The following TYW1 variants were observed in gnomAD, a reference collection of about 807,000 sequenced individuals.
TYW1 encodes tRNA-yW synthesizing protein 1 homolog.
Under a neutral mutation model 96.2 loss-of-function variants are expected in TYW1, and 46 were observed. That is an observed-to-expected ratio of 0.48 (90% CI 0.38 to 0.61). The LOEUF (loss-of-function observed/expected upper bound fraction) is 0.61, where lower values mean the gene tolerates loss of function less well. Among genes scored for constraint, TYW1 ranks in the 20% least tolerant of loss-of-function variants. TYW1 has a pLI of 0.00. For missense variants in TYW1, 684 were observed against 909.6 expected (o/e 0.75, Z 3.19); for synonymous variants, 274 against 323.0 (o/e 0.85, Z 1.63).
chr7:67,044,996 CTCTT>C (rs1294883036), intron 7 of TYW1, among the ~76,000 whole-genome samples: 1 of 152,128 alleles, frequency 6.6e-6, no homozygotes, highest in African/African-American at 2.4e-5. Flanking sequence ...ATCAGAAAGA[CTCTT>C]TCCCAGGAGA....
chr7:67,067,502 C>T (rs1168121561), intron 10 of TYW1, 99 bp downstream of exon 10: 1 of 1,335,634 alleles, frequency 7.5e-7, no homozygotes, highest in Non-Finnish European at 1.0e-6. Context: ...GCTCTGCTGT[C>T]TTGGTGATTA....
intron 13 of TYW1, among the ~76,000 whole-genome samples, chr7:67,136,824 C>T (rs1299175344): frequency 1.3e-5 from 2 of 151,756 alleles, no homozygotes; most frequent in South Asian, 2.1e-4. Flanking sequence ...TTCCTGTTTT[C>T]TTTTTTTTCT....
At chr7:67,214,004 C>G (rs985374611) in intron 15 of TYW1, among the ~76,000 whole-genome samples, 5 of 152,144 alleles carry the variant, frequency 3.3e-5, no homozygotes, top group African/African-American at 1.2e-4. Context: ...GATCCTTTCC[C>G]TTTCCATATA....
intron 9 of TYW1, 109 bp from the exon 10 acceptor site, chr7:67,067,176 A>G (rs763624657): frequency 2.4e-6 from 3 of 1,229,882 alleles, no homozygotes; most frequent in Non-Finnish European, 3.6e-6. Context: ...TACCAGTAGG[A>G]GTATTCATGG....
In TYW1 at chr7:67,025,406, A is replaced by C. The variant is rs183009898; in HGVS notation, c.984+384A>C. Among the ~76,000 whole-genome samples, 3 of 152,112 alleles carry C rather than the reference A, an allele frequency of 2.0e-5. No individual in the cohort carries two copies. The East Asian group carries it at 5.8e-4, about 29-fold the overall frequency. The stretch of plus-strand genomic sequence containing the variant: ...GCAAAATAAATCTCATAATGTTTTA[A>C]GAAAGCTTACAAATTTGTGTTGGGC... On this transcript the variant is annotated intron_variant, in intron 7 of 15. Transcript: ENST00000359626.
chr7:67,019,417 C>A (rs767752375), intron 6 of TYW1, among the ~76,000 whole-genome samples: 1 of 151,400 alleles, frequency 6.6e-6, no homozygotes, highest in East Asian at 2.0e-4. Context: ...AGGCTGGTCT[C>A]GAACTCCTGA....
At chr7:67,195,087 A>C in intron 14 of TYW1, 83 bp from the exon 15 acceptor site, 1 of 1,516,324 alleles carries the variant, frequency 6.6e-7, no homozygotes, top group South Asian at 1.3e-5. Context: ...TGACCTCAAG[A>C]AGGTTTTCCG....
chr7:67,019,317 T>C (rs1262615297), intron 6 of TYW1, among the ~76,000 whole-genome samples: 1 of 54,638 alleles, frequency 1.8e-5, no homozygotes, highest in East Asian at 3.1e-4. Flanking sequence ...TGCCTCAGCC[T>C]CCTGAGTAGC....
chr7:67,007,055 C>T (rs1793621848), intron 3 of TYW1, among the ~76,000 whole-genome samples: 1 of 137,738 alleles, frequency 7.3e-6, no homozygotes, highest in South Asian at 2.4e-4. Flanking sequence ...AAAGTAGAGT[C>T]TGGAGACAGA....
Position 67,008,748 on chromosome 7 carries a change from C to T in TYW1, c.274-835C>T, listed in dbSNP as rs13307955. On this transcript the variant is annotated intron_variant, in intron 3 of 15. Coordinates refer to ENST00000359626, the MANE Select transcript of TYW1 (RefSeq NM_018264.4). ...TGCAATCTTGGCTCACTGCAACCTC[C>T]GCCTCCTGGATTCAAGTGATTCTCC... 3.9e-5 allele frequency among the ~76,000 whole-genome samples: 6 copies of T among 152,242 alleles called. No homozygotes were observed. In the East Asian group the frequency reaches 9.6e-4, roughly 24 times the overall value.
intron 13 of TYW1, among the ~76,000 whole-genome samples, chr7:67,154,994 A>T (rs190940213): frequency 6.6e-5 from 10 of 152,160 alleles, no homozygotes; most frequent in Non-Finnish European, 1.3e-4. Flanking sequence ...TATTTCATTC[A>T]TTGAATTCTT....
chr7:67,123,337 C>T (rs2687060), intron 13 of TYW1, among the ~76,000 whole-genome samples: 42,018 of 152,022 alleles, frequency 0.28, 6,650 homozygotes, highest in African/African-American at 0.44. Context: ...AGCTAAAATA[C>T]TATCCTGCTT....
chr7:67,075,675 A>T (rs1352711456), intron 10 of TYW1, among the ~76,000 whole-genome samples: 1 of 152,240 alleles, frequency 6.6e-6, no homozygotes, highest in African/African-American at 2.4e-5. Flanking sequence ...TAGAATAGAC[A>T]AATCTGTAGA....
chr7:67,167,999 C>G (rs569021463), intron 13 of TYW1, among the ~76,000 whole-genome samples: 1 of 152,218 alleles, frequency 6.6e-6, no homozygotes, highest in Admixed American at 6.5e-5. Flanking sequence ...ATGATCCGCC[C>G]ACCTCGGCCT....
chr7:67,230,031 T>C (rs1801697774), intron 15 of TYW1, among the ~76,000 whole-genome samples: 1 of 152,140 alleles, frequency 6.6e-6, no homozygotes, highest in African/African-American at 2.4e-5. Context: ...AGTTCTGTCA[T>C]TTTCCAGTTT....
intron 14 of TYW1, among the ~76,000 whole-genome samples, chr7:67,191,094 T>C (rs1363420758): frequency 6.6e-6 from 1 of 152,120 alleles, no homozygotes; most frequent in Non-Finnish European, 1.5e-5. Context: ...CAGCTGCTTG[T>C]GGTGAGGGCC....
chr7:67,195,403 C>G (rs1405918906), intron 15 of TYW1, 66 bp downstream of exon 15: 2 of 1,603,358 alleles, frequency 1.2e-6, no homozygotes, highest in Non-Finnish European at 8.5e-7. Flanking sequence ...TCTCTTCTCT[C>G]TTTATTTTCC....
chr7:67,148,326 C>T (rs1200716930), intron 13 of TYW1, among the ~76,000 whole-genome samples: 2 of 150,306 alleles, frequency 1.3e-5, no homozygotes, highest in Non-Finnish European at 2.9e-5. Context: ...GGTTTGTACT[C>T]GTTCAACAGA....
At chr7:67,040,504 G>A (rs527491919) in intron 7 of TYW1, among the ~76,000 whole-genome samples, 1 of 152,016 alleles carries the variant, frequency 6.6e-6, no homozygotes, top group Non-Finnish European at 1.5e-5. Context: ...GCATGTGATA[G>A]CTGATTGAGA....
Sources: allele counts gnomAD v4.1 joint callset (sites outside exome capture counted in the v4.1 genomes callset), GRCh38; gene constraint gnomAD v4.1.1; transcripts MANE v1.5; gene names NCBI Gene and HGNC (gene_info 2026-07-23, HGNC 2026-07-21).